The following RAB40C variants were observed in gnomAD, a reference collection of about 807,000 sequenced individuals.
RAB40C encodes the protein RAB40C, member RAS oncogene family, also known as ras-related protein Rab-40C.
RAB40C carries 8 observed loss-of-function variants against 28.1 expected under a neutral mutation model. The ratio of observed to expected loss-of-function variants is 0.28; its 90% CI spans 0.17 to 0.51. The LOEUF is 0.51. Among genes scored for constraint, RAB40C ranks in the 20% least tolerant of loss-of-function variants. The probability of loss-of-function intolerance (pLI) is 0.97; values close to 1 mark genes in which losing one functional copy is unlikely to be tolerated. For missense variants in RAB40C, 288 were observed against 405.9 expected (o/e 0.71, Z 2.50); for synonymous variants, 201 against 171.7 (o/e 1.17, Z -1.34).
Position 627,918 on chromosome 16 carries a change from T to A in RAB40C, c.*296T>A, listed in dbSNP as rs2036876350. On this transcript the variant is annotated 3_prime_UTR_variant, in exon 6 of 6. Transcript: ENST00000248139. ...GGCGGGGAGCCTGGTTGGCCTTTCT[T>A]ATTTATATAGAGAACACTTCACTTT... The A allele has an allele frequency of 4.8e-6, 2 of 416,544 alleles. No homozygotes were observed. The highest frequency in any genetic ancestry group is 8.5e-6 in the Non-Finnish European group (2 of 235,322). 25.8% of individuals were successfully genotyped at this position (416,544 alleles called of 1,614,324 possible). A position where few individuals can be genotyped will look rare whatever the true frequency, so the allele number is the denominator to read the frequency against.
chr16:590,863 G>A (rs2035980772), intron 1 of RAB40C, among the ~76,000 whole-genome samples: 1 of 151,258 alleles, frequency 6.6e-6, no homozygotes, highest in Non-Finnish European at 1.5e-5. Flanking sequence ...AAGGTGTCGT[G>A]GGCCGGAGGG....
intron 1 of RAB40C, among the ~76,000 whole-genome samples, chr16:592,007 G>A (rs1281904169): frequency 6.6e-6 from 1 of 152,232 alleles, no homozygotes; most frequent in African/African-American, 2.4e-5. Flanking sequence ...AACAGAGTGA[G>A]TGAGACGGTG....
At chr16:625,788 C>T in intron 4 of RAB40C, 111 bp from the exon 5 acceptor site, 1 of 1,141,792 alleles carries the variant, frequency 8.8e-7, no homozygotes, top group Non-Finnish European at 1.2e-6. Context: ...CCACCTTGAC[C>T]TCCCACGGCC....
chr16:626,907 C>T (rs537296898), intron 5 of RAB40C, among the ~76,000 whole-genome samples: 2 of 152,350 alleles, frequency 1.3e-5, no homozygotes, highest in East Asian at 3.9e-4. Flanking sequence ...CACGGCACTC[C>T]AGCCTGGCGA....
rs976025722 is a variant in RAB40C, at chr16:628,985, C to T, written c.*1363C>T. 2.6e-5 allele frequency: 4 copies of T among 154,822 alleles called. No individual in the cohort carries two copies. The highest frequency in any genetic ancestry group is 4.3e-5 in the Non-Finnish European group (3 of 69,620). 9.6% of individuals were successfully genotyped at this position (154,822 alleles called of 1,614,324 possible). ...GTTCCTGGGAGATGAGGGCCGTGGCCTGCATGAACTACCAGATGAGTAAGG... is the reference window on the plus strand; with the variant it reads ...GTTCCTGGGAGATGAGGGCCGTGGCTTGCATGAACTACCAGATGAGTAAGG... On this transcript the variant is annotated 3_prime_UTR_variant, in exon 6 of 6. Coordinates refer to ENST00000248139, the MANE Select transcript of RAB40C (RefSeq NM_021168.5).
Position 617,209 on chromosome 16 carries a change from G to T in RAB40C, c.144G>T (p.Gly48=). 6.2e-7 allele frequency: 1 copy of T among 1,613,864 alleles called. No individual in the cohort carries two copies. Among genetic ancestry groups the T allele is most frequent in the Non-Finnish European group, 8.5e-7 (1 of 1,180,012 alleles). The change falls in exon 2 of 6, where the codon GGG becomes GGT. Residue 48 remains glycine, a splice_region_variant and synonymous_variant. Coordinates refer to ENST00000248139, the MANE Select transcript of RAB40C (RefSeq NM_021168.5). The part of the protein sequence containing the change: ...AAESPYAYSN[G]IDYKTTTILL... ...TCAGCGCCCTGTGCTTCCTCGCAGG[G>T]ATCGACTACAAGACCACCACCATCC...
intron 3 of RAB40C, chr16:623,968 G>T (rs974841021): frequency 6.1e-6 from 6 of 985,292 alleles, no homozygotes; most frequent in Non-Finnish European, 7.2e-6. Context: ...GCAGTGCTGG[G>T]ACCTGCGTTC....
intron 3 of RAB40C, among the ~76,000 whole-genome samples, chr16:618,779 G>GCT (rs1252644521): frequency 5.7e-5 from 8 of 140,684 alleles, no homozygotes; most frequent in African/African-American, 2.2e-4. Flanking sequence ...TGCAGTGTGT[G>GCT]CAGGTGTGGT....
chr16:604,345 G>A (rs891401609), intron 1 of RAB40C, among the ~76,000 whole-genome samples: 8 of 152,112 alleles, frequency 5.3e-5, no homozygotes, highest in African/African-American at 1.9e-4. Context: ...ACACAAATAC[G>A]CACGAGGCCT....
At chr16:615,418 C>T (rs1307418169) in intron 1 of RAB40C, among the ~76,000 whole-genome samples, 3 of 152,080 alleles carry the variant, frequency 2.0e-5, no homozygotes, top group Admixed American at 6.5e-5. Flanking sequence ...GGGAGGGCGT[C>T]GCTTATGTTT....
chr16:625,684 G>GGGCC, intron 4 of RAB40C, 175 bp downstream of exon 4: 1 of 841,208 alleles, frequency 1.2e-6, no homozygotes, highest in South Asian at 1.7e-5. Flanking sequence ...CGACAGTCGG[G>GGGCC]CGTGGAGCCC....
chr16:629,263 G>C lies in RAB40C; in HGVS notation c.*1641G>C, dbSNP rs1483567892. The C allele has an allele frequency of 3.2e-6, 1 of 309,240 alleles. No homozygotes were observed. The highest frequency in any genetic ancestry group is 2.2e-5 in the African/African-American group (1 of 46,300). 19.2% of individuals were successfully genotyped at this position (309,240 alleles called of 1,614,324 possible). On this transcript the variant is annotated 3_prime_UTR_variant, in exon 6 of 6. Coordinates refer to ENST00000248139, the MANE Select transcript of RAB40C (RefSeq NM_021168.5). ...TTTGTACAGTAAATGTAATTCAGCT[G>C]TGGTCCCCACGTTTTGCTGTGTCTG...
chr16:607,722 C>T (rs1047986889), intron 1 of RAB40C, among the ~76,000 whole-genome samples: 17 of 152,014 alleles, frequency 1.1e-4, no homozygotes, highest in South Asian at 2.1e-4. Context: ...ACCCAGAAGG[C>T]GGAGCTTGCA....
intron 1 of RAB40C, among the ~76,000 whole-genome samples, chr16:599,606 G>A (rs548560519): frequency 2.0e-5 from 3 of 152,192 alleles, no homozygotes; most frequent in East Asian, 3.9e-4. Context: ...CAGTCAGCGT[G>A]GATTCAGCAA....
chr16:627,467 A>T lies in RAB40C; in HGVS notation c.691A>T (p.Met231Leu), dbSNP rs771906342. Reference sequence around the variant, plus strand: ...CAAGTCCTTCTCGATGGCCAACGGCATGAACGCGGTCATGATGCACGGCCG... The same window carrying T: ...CAAGTCCTTCTCGATGGCCAACGGCTTGAACGCGGTCATGATGCACGGCCG... The part of the protein sequence containing the change: ...HLKSFSMANG[M>L]NAVMMHGRSY... Residue 231 changes from methionine to leucine, a missense_variant, in exon 6 of 6, where the codon ATG becomes TTG. Coordinates refer to ENST00000248139, the MANE Select transcript of RAB40C (RefSeq NM_021168.5). The T allele has an allele frequency of 1.2e-6, 2 of 1,614,024 alleles. No homozygotes were observed. The highest frequency in any genetic ancestry group is 2.2e-5 in the South Asian group (2 of 91,090).
intron 4 of RAB40C, 146 bp downstream of exon 4, chr16:625,655 A>G (rs2036814296): frequency 2.1e-6 from 2 of 939,750 alleles, no homozygotes; most frequent in African/African-American, 1.6e-5. Flanking sequence ...ACGCCTGGGC[A>G]TGCTGGTCAC....
chr16:608,208 A>G (rs901077086), intron 1 of RAB40C, among the ~76,000 whole-genome samples: 2 of 152,226 alleles, frequency 1.3e-5, no homozygotes, highest in Non-Finnish European at 2.9e-5. Context: ...AGAGAGAATG[A>G]GTGCTGAGTG....
chr16:602,768 T>C (rs760247432), intron 1 of RAB40C, among the ~76,000 whole-genome samples: 13 of 152,158 alleles, frequency 8.5e-5, no homozygotes, highest in Non-Finnish European at 1.5e-4. Context: ...GGTCTTGCCA[T>C]GTTGCCTAGG....
At chr16:591,156 G>A (rs1288899607) in intron 1 of RAB40C, among the ~76,000 whole-genome samples, 1 of 149,618 alleles carries the variant, frequency 6.7e-6, no homozygotes. Context: ...AAGGTGTCAT[G>A]GGTCTGGGAT....
Sources: allele counts gnomAD v4.1 joint callset (sites outside exome capture counted in the v4.1 genomes callset), GRCh38; gene constraint gnomAD v4.1.1; transcripts MANE v1.5; gene names NCBI Gene and HGNC (gene_info 2026-07-23, HGNC 2026-07-21).